C12orf42: variants seen among roughly 807,000 people sequenced by gnomAD.
C12orf42 encodes the protein chromosome 12 open reading frame 42.
A neutral mutation model predicts 21.6 loss-of-function variants in C12orf42; 25 were observed. The ratio of observed to expected loss-of-function variants is 1.16; its 90% CI spans 0.84 to 1.62. The LOEUF (loss-of-function observed/expected upper bound fraction) is 1.62. Ranked by LOEUF, C12orf42 falls within the 40% of genes most tolerant of loss-of-function variation. The pLI, the probability that C12orf42 is intolerant of heterozygous loss-of-function variation, is 0.00. For missense variants in C12orf42, 483 were observed against 459.3 expected (o/e 1.05, Z -0.47); for synonymous variants, 174 against 175.0 (o/e 0.99, Z 0.05).
chr12:103,500,105 A>G (rs1294407692), upstream of C12orf42, among the ~76,000 whole-genome samples: 1 of 152,226 alleles, frequency 6.6e-6, no homozygotes, highest in African/African-American at 2.4e-5. Context: ...TACTATGGCT[A>G]ACACATTCTC....
rs144511940 is a variant in C12orf42, at chr12:103,353,812, G to A, written c.259+15075C>T. Reference sequence around the variant, plus strand: ...ACGCAGAAATATTCAAGGATCCAGTGGGAACCACCAGCCCTTCACGAGGGT... The same window carrying A: ...ACGCAGAAATATTCAAGGATCCAGTAGGAACCACCAGCCCTTCACGAGGGT... On this transcript the variant is annotated intron_variant, in intron 4 of 5. Coordinates refer to ENST00000548883, the MANE Select transcript of C12orf42 (RefSeq NM_198521.5). Among the ~76,000 whole-genome samples, 468 of 152,294 alleles carry A rather than the reference G, an allele frequency of 3.1e-3. 4 individuals carry two copies. Among genetic ancestry groups the A allele is most frequent in the African/African-American group, 0.01 (429 of 41,576 alleles).
the C12orf42 span, among the ~76,000 whole-genome samples, chr12:103,201,805 G>A: frequency 1.3e-5 from 2 of 152,134 alleles, no homozygotes; most frequent in Non-Finnish European, 2.9e-5. Context: ...TTGATGTTGT[G>A]AGTTGTCTTC....
At chr12:103,411,948 A>G (rs2138921958) in intron 2 of C12orf42, among the ~76,000 whole-genome samples, 1 of 152,264 alleles carries the variant, frequency 6.6e-6, no homozygotes, top group Non-Finnish European at 1.5e-5. Flanking sequence ...ACATACTTCT[A>G]CTCTAAATAT....
At chr12:103,137,313 A>T in the C12orf42 span, among the ~76,000 whole-genome samples, 1 of 152,074 alleles carries the variant, frequency 6.6e-6, no homozygotes, top group African/African-American at 2.4e-5. Context: ...TCAAAACCAC[A>T]GCGAGATATC....
At chr12:103,224,786 G>A in the C12orf42 span, among the ~76,000 whole-genome samples, 1 of 152,148 alleles carries the variant, frequency 6.6e-6, no homozygotes, top group Non-Finnish European at 1.5e-5. Context: ...ATGAGGGCTA[G>A]GCTAAAACAG....
At chr12:103,337,717 C>T (rs1184809032) in intron 4 of C12orf42, among the ~76,000 whole-genome samples, 3 of 152,112 alleles carry the variant, frequency 2.0e-5, no homozygotes, top group Non-Finnish European at 4.4e-5. Flanking sequence ...AAGCCACACA[C>T]ATCCTTGTAT....
the C12orf42 span, among the ~76,000 whole-genome samples, chr12:103,552,685 T>C: frequency 2.0e-5 from 3 of 152,196 alleles, no homozygotes; most frequent in Non-Finnish European, 4.4e-5. Context: ...CACATGGGTC[T>C]AATCCAGAGT....
At chr12:103,091,386 T>TA in the C12orf42 span, among the ~76,000 whole-genome samples, 4,768 of 141,900 alleles carry the variant, frequency 0.034, 209 homozygotes, top group African/African-American at 0.099. Flanking sequence ...TTGCCTCAAA[T>TA]AAAAAAAAAA....
At chr12:103,524,649 A>T in the C12orf42 span, among the ~76,000 whole-genome samples, 2 of 152,218 alleles carry the variant, frequency 1.3e-5, no homozygotes, top group Non-Finnish European at 1.5e-5. Flanking sequence ...CCATTAAGTA[A>T]ACTGATCTGT....
At chr12:103,552,732 A>T in the C12orf42 span, among the ~76,000 whole-genome samples, 3 of 152,272 alleles carry the variant, frequency 2.0e-5, no homozygotes, top group East Asian at 5.8e-4. Context: ...TGAGGCTGTT[A>T]TTAGTCCATT....
At chr12:103,530,976 G>C in the C12orf42 span, among the ~76,000 whole-genome samples, 2 of 152,266 alleles carry the variant, frequency 1.3e-5, no homozygotes, top group South Asian at 4.2e-4. Context: ...AAACAAAACA[G>C]TCGCCCCCAT....
At chr12:103,192,241 A>G in the C12orf42 span, among the ~76,000 whole-genome samples, 1 of 152,194 alleles carries the variant, frequency 6.6e-6, no homozygotes, top group Non-Finnish European at 1.5e-5. Context: ...CATAGGGCTC[A>G]TGTCTGTAAT....
At chr12:103,378,037 G>GGAAT (rs2045854814) in intron 3 of C12orf42, among the ~76,000 whole-genome samples, 1 of 152,154 alleles carries the variant, frequency 6.6e-6, no homozygotes, top group Non-Finnish European at 1.5e-5. Context: ...ATAGTTGTAG[G>GGAAT]GAATGCTGGG....
intron 5 of C12orf42, 149 bp from the exon 6 acceptor site, chr12:103,302,708 C>A: frequency 1.6e-6 from 1 of 638,022 alleles, no homozygotes; most frequent in Non-Finnish European, 2.5e-6. Context: ...CTGACATGAT[C>A]CTCACCTGCC....
At chr12:103,430,883 T>C (rs1038155596) in intron 2 of C12orf42, among the ~76,000 whole-genome samples, 2 of 152,170 alleles carry the variant, frequency 1.3e-5, no homozygotes, top group African/African-American at 4.8e-5. Context: ...AAACACTGCA[T>C]GTTCTCACTC....
the C12orf42 span, among the ~76,000 whole-genome samples, chr12:103,145,238 A>G: frequency 1.3e-5 from 2 of 152,152 alleles, no homozygotes; most frequent in African/African-American, 4.8e-5. Context: ...TCTTTCCCAC[A>G]TTTAAAATAA....
At chr12:103,341,794 A>AG (rs936181665) in intron 4 of C12orf42, among the ~76,000 whole-genome samples, 6 of 152,336 alleles carry the variant, frequency 3.9e-5, no homozygotes, top group African/African-American at 1.4e-4. Flanking sequence ...AGAAAAAGAA[A>AG]GCCCACAGTA....
the C12orf42 span, among the ~76,000 whole-genome samples, chr12:103,530,677 G>C: frequency 6.6e-6 from 1 of 152,204 alleles, no homozygotes; most frequent in Non-Finnish European, 1.5e-5. Context: ...TGAGATGGGG[G>C]AGGTGAGGGG....
At chr12:103,168,140 C>A in the C12orf42 span, 9 of 455,002 alleles carry the variant, frequency 2.0e-5, no homozygotes, top group East Asian at 6.3e-4. Context: ...CATTAAGAGG[C>A]AAGACCCAGG....
Sources: allele counts gnomAD v4.1 joint callset (sites outside exome capture counted in the v4.1 genomes callset), GRCh38; gene constraint gnomAD v4.1.1; transcripts MANE v1.5; gene names NCBI Gene and HGNC (gene_info 2026-07-23, HGNC 2026-07-21).